The following CPPED1 variants were observed in gnomAD, a reference collection of about 807,000 sequenced individuals.
The protein encoded by CPPED1 is serine/threonine-protein phosphatase CPPED1.
In CPPED1, 28 loss-of-function variants were observed where a neutral mutation model predicts 28.0. The observed-to-expected ratio is 1.00, with a 90% CI of 0.74 to 1.37. The LOEUF (loss-of-function observed/expected upper bound fraction) is 1.37, where lower values mean the gene tolerates loss of function less well. Among genes scored for constraint, CPPED1 ranks in the 40% most tolerant of loss-of-function variants. CPPED1 has a pLI of 0.00. For synonymous variants in CPPED1, 198 were observed against 180.2 expected, an observed-to-expected ratio of 1.10 and a Z score of -0.79; for missense variants, 504 against 416.5, an observed-to-expected ratio of 1.21 and a Z score of -1.83.
At chr16:12,724,212 G>A (rs961008224) in intron 2 of CPPED1, among the ~76,000 whole-genome samples, 1 of 152,246 alleles carries the variant, frequency 6.6e-6, no homozygotes, top group Non-Finnish European at 1.5e-5. Context: ...GGCATGCTCA[G>A]TGCTAAGACG....
At chr16:12,730,414 C>T (rs576043703) in intron 2 of CPPED1, among the ~76,000 whole-genome samples, 11 of 152,266 alleles carry the variant, frequency 7.2e-5, no homozygotes, top group South Asian at 2.1e-4. Context: ...CACATCTTCC[C>T]GATGACCCAG....
Position 12,705,000 on chromosome 16 carries a change from C to G in CPPED1, c.339G>C (p.Arg113Ser). 6.2e-7 allele frequency: 1 copy of G among 1,614,110 alleles called. No homozygotes were observed. The highest frequency in any genetic ancestry group is 8.5e-7 in the Non-Finnish European group (1 of 1,179,968). ...EQTEDLKRVL[R>S]AVDRAIPLVL... Reference sequence around the variant, plus strand: ...CCAGTGGGATGGCCCTGTCCACTGCCCTAAGCACTCGCTTCAGGTCCTCCG... The same window carrying G: ...CCAGTGGGATGGCCCTGTCCACTGCGCTAAGCACTCGCTTCAGGTCCTCCG... Residue 113 changes from arginine to serine, a missense_variant, in exon 3 of 4, where the codon AGG becomes AGC. Physicochemically the swap from Arg to Ser is moderately radical, Grantham distance 110 (BLOSUM62 -1). Transcript: ENST00000381774.
chr16:12,741,410 A>G (rs2080254770), intron 2 of CPPED1, among the ~76,000 whole-genome samples: 1 of 151,792 alleles, frequency 6.6e-6, no homozygotes, highest in African/African-American at 2.4e-5. Context: ...TAGCGGTGAT[A>G]AAGGGACGCC....
chr16:12,760,025 G>A (rs1340884155), intron 2 of CPPED1, among the ~76,000 whole-genome samples: 1 of 152,200 alleles, frequency 6.6e-6, no homozygotes, highest in Non-Finnish European at 1.5e-5. Flanking sequence ...TCCTTCCAAT[G>A]GCAGCTGTGG....
At chr16:12,716,557 A>G (rs1168968125) in intron 2 of CPPED1, among the ~76,000 whole-genome samples, 2 of 152,232 alleles carry the variant, frequency 1.3e-5, no homozygotes, top group African/African-American at 4.8e-5. Flanking sequence ...GTCTGAACTC[A>G]GGTGTTTGTG....
In CPPED1 at chr16:12,677,247, G is replaced by T. The variant is rs560506032; in HGVS notation, c.716-12132C>A. On this transcript the variant is annotated intron_variant, in intron 3 of 3. Coordinates refer to ENST00000381774, the MANE Select transcript of CPPED1 (RefSeq NM_018340.3). ...TGGGTGGTACCAGAATTCCAGTTCAGATTCTGGCTTGGCTAGAGGATAGGC... is the reference window on the plus strand; with the variant it reads ...TGGGTGGTACCAGAATTCCAGTTCATATTCTGGCTTGGCTAGAGGATAGGC... 3.3e-5 allele frequency among the ~76,000 whole-genome samples: 5 copies of T among 152,354 alleles called. 1 individual carries two copies. Among genetic ancestry groups the T allele is most frequent in the South Asian group, 4.1e-4 (2 of 4,828 alleles).
intron 2 of CPPED1, among the ~76,000 whole-genome samples, chr16:12,773,257 C>G (rs2080479865): frequency 6.6e-6 from 1 of 152,164 alleles, no homozygotes; most frequent in Admixed American, 6.5e-5. Context: ...CTGCGTTATT[C>G]AGTGTTGTGT....
chr16:12,767,597 T>C (rs547674866), intron 2 of CPPED1, among the ~76,000 whole-genome samples: 1 of 152,332 alleles, frequency 6.6e-6, no homozygotes, highest in South Asian at 2.1e-4. Flanking sequence ...TTTGCAGAGC[T>C]GACAGGGCCC....
intron 2 of CPPED1, among the ~76,000 whole-genome samples, chr16:12,737,928 T>C (rs550511316): frequency 6.6e-6 from 1 of 152,248 alleles, no homozygotes; most frequent in African/African-American, 2.4e-5. Context: ...TTTTAAAGTA[T>C]AAAAATTGCC....
intron 2 of CPPED1, among the ~76,000 whole-genome samples, chr16:12,718,554 A>AAAG (rs1015894052): frequency 1.3e-5 from 2 of 151,136 alleles, no homozygotes; most frequent in African/African-American, 4.9e-5. Context: ...AAAAAAAAAA[A>AAAG]AAAGAAAGAA....
At chr16:12,789,287 G>A (rs1182733139) in intron 1 of CPPED1, among the ~76,000 whole-genome samples, 1 of 152,056 alleles carries the variant, frequency 6.6e-6, no homozygotes, top group Non-Finnish European at 1.5e-5. Flanking sequence ...CCTTATCTAT[G>A]GTAATCTTTC....
At chr16:12,721,867 C>A (rs900320186) in intron 2 of CPPED1, among the ~76,000 whole-genome samples, 2 of 152,046 alleles carry the variant, frequency 1.3e-5, no homozygotes, top group Admixed American at 1.3e-4. Flanking sequence ...AAAAACCAAC[C>A]ACCTCTGAGA....
At chr16:12,779,848 CCAGA>C (rs1284703219) in intron 2 of CPPED1, among the ~76,000 whole-genome samples, 1 of 152,058 alleles carries the variant, frequency 6.6e-6, no homozygotes, top group Non-Finnish European at 1.5e-5. Flanking sequence ...ACAACTAGCC[CCAGA>C]CAGACACCCA....
intron 2 of CPPED1, among the ~76,000 whole-genome samples, chr16:12,754,680 A>G (rs1037658765): frequency 8.9e-6 from 1 of 112,914 alleles, no homozygotes; most frequent in African/African-American, 3.0e-5. Context: ...TTGGCCCCAC[A>G]ATGGACCCAA....
In CPPED1 at chr16:12,756,432, T is replaced by C. The variant is rs183507280; in HGVS notation, c.289+24753A>G. Among the ~76,000 whole-genome samples, 5 of 152,106 alleles carry C rather than the reference T, an allele frequency of 3.3e-5. No homozygotes were observed. The East Asian group carries it at 7.7e-4, about 24-fold the overall frequency. ...ACAGTGAGCCAGGTGCGGTGGCTCA[T>C]GTCTGTAATTCCAGCATTCTGTGAG... On this transcript the variant is annotated intron_variant, in intron 2 of 3. Transcript: ENST00000381774.
At chr16:12,705,788 T>C (rs2141187831) in intron 2 of CPPED1, among the ~76,000 whole-genome samples, 1 of 152,324 alleles carries the variant, frequency 6.6e-6, no homozygotes, top group African/African-American at 2.4e-5. Flanking sequence ...ATTACAGGCG[T>C]AAGCCACCGC....
chr16:12,701,946 C>G (rs1022801637), intron 3 of CPPED1, among the ~76,000 whole-genome samples: 21 of 152,198 alleles, frequency 1.4e-4, no homozygotes, highest in African/African-American at 3.9e-4. Flanking sequence ...TTTCTCATGC[C>G]TACCAAGCAG....
At chr16:12,669,711 G>C (rs1318845473) in intron 3 of CPPED1, among the ~76,000 whole-genome samples, 1 of 152,194 alleles carries the variant, frequency 6.6e-6, no homozygotes, top group Non-Finnish European at 1.5e-5. Context: ...GTATGTACTA[G>C]CAATGAGAGC....
At chr16:12,696,248 C>G (rs937047267) in intron 3 of CPPED1, among the ~76,000 whole-genome samples, 1 of 152,146 alleles carries the variant, frequency 6.6e-6, no homozygotes, top group African/African-American at 2.4e-5. Context: ...GTCCGCCTGT[C>G]CTGGAGATTC....
Sources: allele counts gnomAD v4.1 joint callset (sites outside exome capture counted in the v4.1 genomes callset), GRCh38; gene constraint gnomAD v4.1.1; transcripts MANE v1.5; gene names NCBI Gene and HGNC (gene_info 2026-07-23, HGNC 2026-07-21).